PTPRC: variants seen among roughly 807,000 people sequenced by gnomAD.
PTPRC encodes the protein receptor-type tyrosine-protein phosphatase C.
PTPRC carries 44 observed loss-of-function variants against 155.9 expected under a neutral mutation model. The observed-to-expected ratio is 0.28, with a 90% CI of 0.22 to 0.36. The LOEUF (loss-of-function observed/expected upper bound fraction) is 0.36, where lower values mean the gene tolerates loss of function less well. Ranked by LOEUF, PTPRC falls within the 10% of genes least tolerant of loss-of-function variation. PTPRC has a pLI of 1.00. For synonymous variants in PTPRC, 525 were observed against 533.1 expected, an observed-to-expected ratio of 0.98 and a Z score of 0.21; for missense variants, 1,401 against 1,564.6, an observed-to-expected ratio of 0.90 and a Z score of 1.76.
rs1383621839 is a variant in PTPRC at position 198,706,943 on chromosome 1, G to A, written c.895G>A (p.Val299Met). 1.3e-6 allele frequency: 2 copies of A among 1,589,342 alleles called. No individual in the cohort carries two copies. Among genetic ancestry groups the A allele is most frequent in the Non-Finnish European group, 1.7e-6 (2 of 1,157,990 alleles). ...TAPDKTLILDVPPGVEKFQLH... is the reference protein window; with the variant it reads ...TAPDKTLILDMPPGVEKFQLH... Reference sequence around the variant, plus strand: ...TCCTGATAAGACATTAATATTAGATGTGCCACCAGGTAAATATCAATTTAT... The same window carrying A: ...TCCTGATAAGACATTAATATTAGATATGCCACCAGGTAAATATCAATTTAT... Residue 299 changes from valine (V) to methionine (M), a missense_variant, in exon 9 of 33, where the codon GTG becomes ATG. Coordinates refer to ENST00000442510, the MANE Select transcript of PTPRC (RefSeq NM_002838.5).
Position 198,716,851 on chromosome 1 carries a change from T to G in PTPRC, c.1450+11T>G. 1 of 1,612,416 alleles carries G rather than the reference T, an allele frequency of 6.2e-7. No homozygotes were observed. Among genetic ancestry groups the G allele is most frequent in the Non-Finnish European group, 8.5e-7 (1 of 1,179,092 alleles). ...CAACTAAAAGTGCTCGTAAGTTATA[T>G]GTTTTAATGCTTCTTTCCATAAATG... On this transcript the variant is annotated intron_variant, in intron 13 of 32. Transcript: ENST00000442510.
chr1:198,696,270 C>T (rs1421164933), intron 3 of PTPRC, among the ~76,000 whole-genome samples: 1 of 150,676 alleles, frequency 6.6e-6, no homozygotes, highest in Non-Finnish European at 1.5e-5. Context: ...CCTAGCCCTG[C>T]TAAAAACCTT....
chr1:198,650,317 G>C (rs1008986661), intron 2 of PTPRC, among the ~76,000 whole-genome samples: 6 of 151,860 alleles, frequency 4.0e-5, no homozygotes, highest in Admixed American at 2.0e-4. Context: ...CACTTTGACT[G>C]TTATGAAGAG....
chr1:198,755,974 AAAC>A lies in PTPRC; in HGVS notation c.3718_3720del (p.Asn1240del). 1 of 1,613,258 alleles carries A rather than the reference AAAC, an allele frequency of 6.2e-7. No homozygotes were observed. Among genetic ancestry groups the A allele is most frequent in the Non-Finnish European group, 8.5e-7 (1 of 1,179,498 alleles). ...CTGCTCAGAATGGACAAGTAAAGAA[AAAC>A]AACCATCAAGAAGATAAAATTGAAT... On this transcript the variant is annotated inframe_deletion, in exon 33 of 33. Transcript: ENST00000442510.
intron 31 of PTPRC, among the ~76,000 whole-genome samples, chr1:198,753,380 T>G (rs1397307743): frequency 1.3e-5 from 2 of 151,844 alleles, no homozygotes; most frequent in Non-Finnish European, 1.5e-5. Flanking sequence ...AAATAAGCAA[T>G]ATAATTGAAA....
intron 26 of PTPRC, among the ~76,000 whole-genome samples, chr1:198,745,602 C>G (rs752990715): frequency 6.6e-6 from 1 of 151,772 alleles, no homozygotes; most frequent in Non-Finnish European, 1.5e-5. Flanking sequence ...ATCATTTGAT[C>G]ACCTGAAATT....
At chr1:198,722,552 T>C in intron 15 of PTPRC, 76 bp downstream of exon 15, 1 of 829,584 alleles carries the variant, frequency 1.2e-6, no homozygotes, top group Non-Finnish European at 1.6e-6. Context: ...TATTTTACAC[T>C]TATAATCACA....
intron 4 of PTPRC, among the ~76,000 whole-genome samples, chr1:198,697,778 A>G (rs1666275225): frequency 6.6e-6 from 1 of 152,250 alleles, no homozygotes; most frequent in African/African-American, 2.4e-5. Flanking sequence ...TTGAAAAACA[A>G]GCATATATAA....
intron 2 of PTPRC, among the ~76,000 whole-genome samples, chr1:198,654,328 C>T (rs1663420986): frequency 6.6e-6 from 1 of 151,684 alleles, no homozygotes; most frequent in African/African-American, 2.4e-5. Flanking sequence ...AAATAAATGA[C>T]AGCTTATTTT....
At chr1:198,695,476 C>T (rs1256785580) in intron 3 of PTPRC, among the ~76,000 whole-genome samples, 1 of 139,840 alleles carries the variant, frequency 7.2e-6, no homozygotes, top group African/African-American at 2.6e-5. Flanking sequence ...CCAGAGATCA[C>T]ATGAGCTTTT....
intron 31 of PTPRC, 128 bp downstream of exon 31, chr1:198,752,900 G>C: frequency 1.0e-6 from 1 of 968,548 alleles, no homozygotes; most frequent in Non-Finnish European, 1.6e-6. Flanking sequence ...TATGGAGTCG[G>C]TCACTCTCTT....
chr1:198,729,089 T>A (rs746407369), intron 16 of PTPRC, 48 bp from the exon 17 acceptor site: 3 of 1,593,874 alleles, frequency 1.9e-6, no homozygotes, highest in Non-Finnish European at 2.6e-6. Flanking sequence ...ACCAATTGAA[T>A]TTTGTGCTTC....
At chr1:198,717,056 A>G (rs921207308) in intron 13 of PTPRC, among the ~76,000 whole-genome samples, 1 of 152,256 alleles carries the variant, frequency 6.6e-6, no homozygotes, top group African/African-American at 2.4e-5. Flanking sequence ...TTTTAAGGAC[A>G]AAGCATAAAA....
At chr1:198,718,359 A>G in intron 14 of PTPRC, 57 bp downstream of exon 14, 1 of 1,373,370 alleles carries the variant, frequency 7.3e-7, no homozygotes, top group South Asian at 1.2e-5. Context: ...TGATTGATTC[A>G]TAGTACTTAA....
intron 15 of PTPRC, among the ~76,000 whole-genome samples, chr1:198,724,119 A>G (rs1045492484): frequency 1.6e-4 from 25 of 152,216 alleles, no homozygotes; most frequent in Non-Finnish European, 1.5e-5. Flanking sequence ...TTTCCAGGTC[A>G]ACGGAGCCAA....
intron 23 of PTPRC, among the ~76,000 whole-genome samples, chr1:198,740,515 G>C (rs1242213500): frequency 6.6e-6 from 1 of 151,900 alleles, no homozygotes; most frequent in Non-Finnish European, 1.5e-5. Context: ...CTGGGAAGCC[G>C]AGGTTGCAGT....
At chr1:198,713,126 G>C in intron 12 of PTPRC, 54 bp downstream of exon 12, 1 of 1,609,946 alleles carries the variant, frequency 6.2e-7, no homozygotes, top group African/African-American at 1.3e-5. Context: ...GAATTTGAAA[G>C]TACTAGAAAT....
At chr1:198,722,542 T>G in intron 15 of PTPRC, 66 bp downstream of exon 15, 1 of 906,936 alleles carries the variant, frequency 1.1e-6, no homozygotes, top group Non-Finnish European at 1.5e-6. Flanking sequence ...AAAGCTATAT[T>G]ATTTTACACT....
At chr1:198,752,442 T>G in intron 30 of PTPRC, 71 bp downstream of exon 30, 1 of 1,577,558 alleles carries the variant, frequency 6.3e-7, no homozygotes, top group South Asian at 1.1e-5. Context: ...TATAAATTAC[T>G]CTATGCAGGC....
Sources: gnomAD v4.1 joint callset for allele counts (sites outside exome capture counted in the v4.1 genomes callset) on GRCh38, gnomAD v4.1.1 for gene constraint, MANE v1.5 for transcripts, NCBI Gene and HGNC (gene_info 2026-07-23, HGNC 2026-07-21) for gene names.